The following MMP20 variants were observed in gnomAD, a reference collection of about 807,000 sequenced individuals.
MMP20 encodes matrix metalloproteinase-20.
MMP20 carries 50 observed loss-of-function variants against 51.8 expected under a neutral mutation model. The observed-to-expected ratio is 0.97, with a 90% CI of 0.77 to 1.22. The LOEUF (loss-of-function observed/expected upper bound fraction) is 1.22. MMP20 is among the 50% of genes most tolerant of loss of function. The probability of loss-of-function intolerance (pLI) is 0.00; values close to 1 mark genes in which losing one functional copy is unlikely to be tolerated. For missense variants in MMP20, 663 were observed against 601.4 expected (o/e 1.10, Z -1.07); for synonymous variants, 244 against 216.2 (o/e 1.13, Z -1.13).
Position 102,625,213 on chromosome 11 carries a change from T to C in MMP20, c.107A>G (p.Asn36Ser). The change falls in exon 1 of 10, where the codon AAC becomes AGC. Residue 36 changes from asparagine (N) to serine (S), a missense_variant. Asn to Ser is a conservative substitution (Grantham distance 46). Transcript: ENST00000260228. ...ACAAACCTGTGCGAGGCGGTAGTTGTTCCTCCAGGTCCTGGGGGAGGCTGC... is the reference window on the plus strand; with the variant it reads ...ACAAACCTGTGCGAGGCGGTAGTTGCTCCTCCAGGTCCTGGGGGAGGCTGC... Reference protein sequence around the residue: ...LVAASPRTWRNNYRLAQAYLD... With the variant: ...LVAASPRTWRSNYRLAQAYLD... The C allele has an allele frequency of 6.2e-7, 1 of 1,613,912 alleles. No homozygotes were observed. The highest frequency in any genetic ancestry group is 8.5e-7 in the Non-Finnish European group (1 of 1,179,934).
chr11:102,582,649 T>A (rs142966933), intron 8 of MMP20, among the ~76,000 whole-genome samples: 13 of 152,198 alleles, frequency 8.5e-5, no homozygotes, highest in African/African-American at 3.1e-4. Context: ...CAGGACCCCA[T>A]GAGGAAAATG....
intron 1 of MMP20, among the ~76,000 whole-genome samples, chr11:102,623,765 C>A (rs1859781192): frequency 6.6e-6 from 1 of 152,188 alleles, no homozygotes; most frequent in Admixed American, 6.5e-5. Context: ...GAAGGGGGGT[C>A]TCCCAACACC....
At chr11:102,613,370 TTC>T (rs370707767) in intron 2 of MMP20, among the ~76,000 whole-genome samples, 16 of 150,548 alleles carry the variant, frequency 1.1e-4, no homozygotes, top group African/African-American at 9.7e-5. Context: ...CGGCCCTGCT[TTC>T]TCTCTCTCTC....
At chr11:102,621,083 G>T (rs991037235) in intron 1 of MMP20, among the ~76,000 whole-genome samples, 1 of 152,190 alleles carries the variant, frequency 6.6e-6, no homozygotes, top group African/African-American at 2.4e-5. Context: ...GCCGGTTCCT[G>T]GCTCCCTCCT....
chr11:102,594,623 T>A lies in MMP20; in HGVS notation c.1088A>T (p.Lys363Ile). Reference sequence around the variant, plus strand: ...TCTTTGAGGGATCTGTAGGGTACCTTTGAAGAAGTAAGCAGTGCCCCTCTC... The same window carrying A: ...TCTTTGAGGGATCTGTAGGGTACCTATGAAGAAGTAAGCAGTGCCCCTCTC... ...VAERGTAYFF[K>I]GPHYWITRGF... The change falls in exon 7 of 10, where the codon AAA (lysine) becomes ATA (isoleucine). Residue 363 changes from lysine (K) to isoleucine (I), a missense_variant and splice_region_variant. By Grantham distance (102) the Lys-to-Ile change is moderately radical. Transcript: ENST00000260228. The A allele has an allele frequency of 6.2e-7, 1 of 1,613,706 alleles. No homozygotes were observed. The highest frequency in any genetic ancestry group is 8.5e-7 in the Non-Finnish European group (1 of 1,179,954).
chr11:102,593,425 GA>G lies in MMP20; in HGVS notation c.1247+13del, dbSNP rs1859341047. 1.9e-6 allele frequency: 3 copies of G among 1,611,922 alleles called. No individual in the cohort carries two copies. Among genetic ancestry groups the G allele is most frequent in the Non-Finnish European group, 2.5e-6 (3 of 1,178,686 alleles). ...TTAAATAAAGATAGATAGTAAAAAG[GA>G]AAAAAGCCATACCTGTAGTATTCAT... On this transcript the variant is annotated intron_variant, in intron 8 of 9. Transcript: ENST00000260228.
intron 8 of MMP20, among the ~76,000 whole-genome samples, chr11:102,586,467 C>T (rs1268295279): frequency 1.3e-5 from 2 of 151,694 alleles, no homozygotes; most frequent in African/African-American, 2.4e-5. Flanking sequence ...TTTTTTATTT[C>T]TGTAAGGTGA....
intron 6 of MMP20, among the ~76,000 whole-genome samples, chr11:102,595,520 A>C (rs971365200): frequency 2.0e-5 from 3 of 152,244 alleles, no homozygotes; most frequent in Non-Finnish European, 4.4e-5. Context: ...CATTGTGAAT[A>C]GTATGTAAAT....
At chr11:102,620,464 G>T (rs1018815630) in intron 1 of MMP20, among the ~76,000 whole-genome samples, 2 of 152,038 alleles carry the variant, frequency 1.3e-5, no homozygotes, top group East Asian at 3.9e-4. Context: ...GAATTCACCA[G>T]AGTTGTCCCA....
intron 1 of MMP20, among the ~76,000 whole-genome samples, chr11:102,619,211 G>T (rs563951946): frequency 3.7e-4 from 57 of 152,060 alleles, no homozygotes; most frequent in African/African-American, 1.2e-3. Context: ...TGCAATGCTT[G>T]TGGTAATGTC....
intron 8 of MMP20, among the ~76,000 whole-genome samples, chr11:102,585,141 A>G (rs1859240374): frequency 6.6e-6 from 1 of 152,158 alleles, no homozygotes; most frequent in Admixed American, 6.5e-5. Context: ...GTCAATTTCT[A>G]CAAAGAAACC....
chr11:102,615,823 G>A lies in MMP20; in HGVS notation c.374+989C>T, dbSNP rs76254919. ...CTTACATGTGCAAGGCCTGGGGCAG[G>A]ACCACAAAGAGTGGAGTCCACTCTT... On this transcript the variant is annotated intron_variant, in intron 2 of 9. Coordinates refer to ENST00000260228, the MANE Select transcript of MMP20 (RefSeq NM_004771.4). Among the ~76,000 whole-genome samples, 1,031 of 152,164 alleles carry A rather than the reference G, an allele frequency of 6.8e-3. 16 individuals carry two copies. Among genetic ancestry groups the A allele is most frequent in the African/African-American group, 0.024 (977 of 41,516 alleles).
At chr11:102,612,723 CT>C (rs1859618059) in intron 2 of MMP20, among the ~76,000 whole-genome samples, 1 of 142,406 alleles carries the variant, frequency 7.0e-6, no homozygotes, top group Non-Finnish European at 1.5e-5. Context: ...TTTCTTTTTT[CT>C]TTTTCTTTTC....
chr11:102,609,340 C>A (rs1167386522), intron 4 of MMP20, among the ~76,000 whole-genome samples: 1 of 152,132 alleles, frequency 6.6e-6, no homozygotes, highest in African/African-American at 2.4e-5. Flanking sequence ...CCATTTTATT[C>A]ATCATCAGTG....
At position 102,616,792 on chromosome 11, in the gene MMP20, G is replaced by A; in HGVS notation, c.374+20C>T. 3.1e-6 allele frequency: 5 copies of A among 1,613,788 alleles called. No individual in the cohort carries two copies. Among genetic ancestry groups the A allele is most frequent in the Non-Finnish European group, 4.2e-6 (5 of 1,179,780 alleles). On this transcript the variant is annotated intron_variant, in intron 2 of 9. Coordinates refer to ENST00000260228, the MANE Select transcript of MMP20 (RefSeq NM_004771.4). ...GAGGTGGTGTTTTTCTCTGAATTTG[G>A]AAAGACTTGATCTCATTACCTGTAT...
At chr11:102,586,376 G>C (rs1357344233) in intron 8 of MMP20, among the ~76,000 whole-genome samples, 2 of 152,056 alleles carry the variant, frequency 1.3e-5, no homozygotes, top group Non-Finnish European at 2.9e-5. Context: ...GGTTTTACTA[G>C]ATTGTGTCTT....
In MMP20 at chr11:102,577,386, A is replaced by G; in HGVS notation, c.1392T>C (p.Tyr464=). 1 of 1,614,078 alleles carries G rather than the reference A, an allele frequency of 6.2e-7. No homozygotes were observed. The highest frequency in any genetic ancestry group is 1.3e-5 in the African/African-American group (1 of 75,056). ...YFFSGPKTYK[Y]DTEKEDVVSV... is the part of the protein sequence containing the mutation. ...TAACCACATCTTCCTTCTCTGTGTCATACTTGTATGTTTTTGGTCCTGAAA... is the reference window on the plus strand; with the variant it reads ...TAACCACATCTTCCTTCTCTGTGTCGTACTTGTATGTTTTTGGTCCTGAAA... The change falls in exon 10 of 10, where the codon TAT becomes TAC. Residue 464 remains tyrosine, a synonymous_variant. Coordinates refer to ENST00000260228, the MANE Select transcript of MMP20 (RefSeq NM_004771.4).
At chr11:102,614,667 C>T (rs1591622682) in intron 2 of MMP20, among the ~76,000 whole-genome samples, 1 of 152,152 alleles carries the variant, frequency 6.6e-6, no homozygotes, top group East Asian at 1.9e-4. Flanking sequence ...AGCCTGCCAC[C>T]TTATGGATTT....
In MMP20 at chr11:102,577,438, A is replaced by G; in HGVS notation, c.1352-12T>C. On this transcript the variant is annotated splice_polypyrimidine_tract_variant and intron_variant, in intron 9 of 9. Transcript: ENST00000260228. ...GAAGTAAATGTAGCCTAAAAGAGAC[A>G]AAGTTGAAATTGGGTTACTGAAGAT... The G allele has an allele frequency of 6.3e-7, 1 of 1,589,620 alleles. No homozygotes were observed.
Sources: gnomAD v4.1 joint callset for allele counts (sites outside exome capture counted in the v4.1 genomes callset) on GRCh38, gnomAD v4.1.1 for gene constraint, MANE v1.5 for transcripts, NCBI Gene and HGNC (gene_info 2026-07-23, HGNC 2026-07-21) for gene names.